The following STK24 variants were observed in gnomAD, a reference collection of about 807,000 sequenced individuals.
STK24 encodes the protein serine/threonine-protein kinase 24.
Under a neutral mutation model 55.6 loss-of-function variants are expected in STK24, and 21 were observed. The observed-to-expected ratio is 0.38, with a 90% CI of 0.27 to 0.54. The LOEUF is 0.54. STK24 is among the 20% of genes least tolerant of loss of function. The probability of loss-of-function intolerance (pLI) is 0.79; values close to 1 mark genes in which losing one functional copy is unlikely to be tolerated. For missense variants in STK24, 383 were observed against 538.4 expected, an observed-to-expected ratio of 0.71 and a Z score of 2.86; for synonymous variants, 200 against 215.2, an observed-to-expected ratio of 0.93 and a Z score of 0.62.
At chr13:98,464,476 T>C (rs1287796615) in intron 6 of STK24, among the ~76,000 whole-genome samples, 9 of 150,418 alleles carry the variant, frequency 6.0e-5, no homozygotes, top group African/African-American at 2.2e-4. Flanking sequence ...TGACAAAATA[T>C]ATGTTCTGTG....
chr13:98,534,810 T>C (rs772149079), intron 1 of STK24, among the ~76,000 whole-genome samples: 2 of 152,208 alleles, frequency 1.3e-5, no homozygotes, highest in Non-Finnish European at 2.9e-5. Context: ...CCTGAACCCC[T>C]ACCCACCAAA....
chr13:98,492,405 G>C (rs1371484365), intron 2 of STK24, among the ~76,000 whole-genome samples: 1 of 152,044 alleles, frequency 6.6e-6, no homozygotes, highest in Non-Finnish European at 1.5e-5. Context: ...CCTTTCTAGG[G>C]GAGGAAAAAA....
chr13:98,499,978 T>C (rs1466272870), intron 2 of STK24, among the ~76,000 whole-genome samples: 1 of 152,232 alleles, frequency 6.6e-6, no homozygotes, highest in African/African-American at 2.4e-5. Flanking sequence ...CTGAAGATTT[T>C]AACCTACTGC....
intron 2 of STK24, among the ~76,000 whole-genome samples, chr13:98,496,403 C>T (rs1052509639): frequency 6.6e-6 from 1 of 152,226 alleles, no homozygotes; most frequent in Non-Finnish European, 1.5e-5. Context: ...CCTACCACAT[C>T]AAAGGAGGGC....
intron 2 of STK24, among the ~76,000 whole-genome samples, chr13:98,515,657 C>T (rs922974996): frequency 7.9e-5 from 12 of 152,200 alleles, no homozygotes; most frequent in African/African-American, 2.7e-4. Flanking sequence ...ACACCACTCA[C>T]CAGATCCTTA....
In STK24 at chr13:98,448,856, C is replaced by T. The variant is rs1357007906; in HGVS notation, c.*4317G>A. On this transcript the variant is annotated 3_prime_UTR_variant, in exon 11 of 11. Coordinates refer to ENST00000539966, the MANE Select transcript of STK24 (RefSeq NM_001032296.4). ...GTAATAATAGGAAGTTAGTAGGACT[C>T]ACTTCTCTGATTAATAAGCAATTTG... 6.6e-6 allele frequency: 1 copy of T among 152,132 alleles called. No homozygotes were observed. Among genetic ancestry groups the T allele is most frequent in the Non-Finnish European group, 1.5e-5 (1 of 68,246 alleles). The allele number at this position is 152,132 out of a possible 1,614,324, so 9.4% of individuals were successfully genotyped here.
intron 2 of STK24, 84 bp downstream of exon 2, chr13:98,519,159 T>G (rs1896172779): frequency 1.8e-6 from 2 of 1,089,228 alleles, no homozygotes; most frequent in Non-Finnish European, 2.8e-6. Flanking sequence ...TGCTGTGCTT[T>G]GTCCTATCAG....
chr13:98,498,944 A>G (rs1264232323), intron 2 of STK24, among the ~76,000 whole-genome samples: 1 of 151,676 alleles, frequency 6.6e-6, no homozygotes, highest in Non-Finnish European at 1.5e-5. Flanking sequence ...TCCATCCTCA[A>G]CGGTTCCTTT....
Position 98,570,190 on chromosome 13 carries a change from G to A in STK24, c.42+6555C>T, listed in dbSNP as rs551285921. ...CACCGCCCCCGGTCAATTTTTTAAT[G>A]TTCCTCATAAACTAAGGAGTAACAA... On this transcript the variant is annotated intron_variant, in intron 1 of 10. Transcript: ENST00000539966. 4.6e-5 allele frequency among the ~76,000 whole-genome samples: 7 copies of A among 152,184 alleles called. No individual in the cohort carries two copies. In the East Asian group the frequency reaches 5.8e-4, roughly 13 times the overall value.
chr13:98,551,211 G>A (rs545023736), intron 1 of STK24, among the ~76,000 whole-genome samples: 55 of 151,942 alleles, frequency 3.6e-4, no homozygotes, highest in South Asian at 2.3e-3. Flanking sequence ...GCGTGAACCC[G>A]GGAGGCGGAG....
At chr13:98,494,537 G>A (rs1895175223) in intron 2 of STK24, among the ~76,000 whole-genome samples, 1 of 151,856 alleles carries the variant, frequency 6.6e-6, no homozygotes, top group Non-Finnish European at 1.5e-5. Context: ...TATTTCCACT[G>A]CCATGTATGG....
intron 1 of STK24, among the ~76,000 whole-genome samples, 197 bp from the exon 2 acceptor site, chr13:98,519,670 C>A (rs944905909): frequency 6.6e-6 from 1 of 152,082 alleles, no homozygotes; most frequent in South Asian, 2.1e-4. Context: ...CCTACACATG[C>A]GCATCAGACT....
chr13:98,461,217 G>T (rs7985565), intron 8 of STK24, among the ~76,000 whole-genome samples: 1 of 151,964 alleles, frequency 6.6e-6, no homozygotes, highest in Non-Finnish European at 1.5e-5. Flanking sequence ...TATCAAAGCG[G>T]GACTTGTAGG....
intron 1 of STK24, among the ~76,000 whole-genome samples, chr13:98,563,387 G>A (rs1195291485): frequency 6.6e-6 from 1 of 152,206 alleles, no homozygotes; most frequent in Non-Finnish European, 1.5e-5. Flanking sequence ...TTTTCTTGCA[G>A]AAGACAAAGC....
chr13:98,523,222 T>G (rs1896322588), intron 1 of STK24, among the ~76,000 whole-genome samples: 1 of 152,120 alleles, frequency 6.6e-6, no homozygotes, highest in African/African-American at 2.4e-5. Context: ...CACCATCATG[T>G]TAGGTCAACT....
intron 2 of STK24, among the ~76,000 whole-genome samples, chr13:98,493,778 A>C (rs1194482158): frequency 1.3e-5 from 2 of 151,782 alleles, no homozygotes; most frequent in African/African-American, 4.8e-5. Context: ...ACCAAACAAG[A>C]CCAAGTCAGA....
intron 1 of STK24, among the ~76,000 whole-genome samples, chr13:98,535,362 AAAAAAAAAATAT>A (rs1896691556): frequency 6.4e-5 from 1 of 15,658 alleles, no homozygotes; most frequent in African/African-American, 2.2e-4. Flanking sequence ...ACAAACAAAC[AAAAAAAAAATAT>A]ATATATATAT....
At chr13:98,570,330 C>G (rs1454542903) in intron 1 of STK24, among the ~76,000 whole-genome samples, 1 of 152,144 alleles carries the variant, frequency 6.6e-6, no homozygotes, top group Non-Finnish European at 1.5e-5. Context: ...ACCCATTAGA[C>G]ATTTCTAAAT....
intron 3 of STK24, among the ~76,000 whole-genome samples, chr13:98,479,771 G>A (rs534704432): frequency 6.6e-6 from 1 of 152,218 alleles, no homozygotes; most frequent in South Asian, 2.1e-4. Context: ...TGGGAAAGAA[G>A]CAAAGACTGC....
Sources: allele counts gnomAD v4.1 joint callset (sites outside exome capture counted in the v4.1 genomes callset), GRCh38; gene constraint gnomAD v4.1.1; transcripts MANE v1.5; gene names NCBI Gene and HGNC (gene_info 2026-07-23, HGNC 2026-07-21).